The following MEIS1 variants were observed in gnomAD, a reference collection of about 807,000 sequenced individuals.
MEIS1 encodes the protein Meis homeobox 1, also known as homeobox protein Meis1.
Under a neutral mutation model 50.8 loss-of-function variants are expected in MEIS1, and 5 were observed. The observed-to-expected ratio is 0.10, with a 90% CI of 0.05 to 0.21. The LOEUF is 0.21. Ranked by LOEUF, MEIS1 falls within the 10% of genes least tolerant of loss-of-function variation. The probability of loss-of-function intolerance (pLI) is 1.00; values close to 1 mark genes in which losing one functional copy is unlikely to be tolerated. For synonymous variants in MEIS1, 176 were observed against 179.3 expected (o/e 0.98, Z 0.15); for missense variants, 318 against 517.3 (o/e 0.61, Z 3.74).
At chr2:66,455,578 G>T (rs1163856920) in intron 6 of MEIS1, among the ~76,000 whole-genome samples, 1 of 152,076 alleles carries the variant, frequency 6.6e-6, no homozygotes, top group Non-Finnish European at 1.5e-5. Flanking sequence ...GAAAATGTTA[G>T]AGTGGAGACC....
Position 66,566,222 on chromosome 2 carries a change from T to G in MEIS1, c.966-1231T>G, listed in dbSNP as rs116133799. Among the ~76,000 whole-genome samples the G allele has an allele frequency of 2.8e-3, 425 of 152,324 alleles. 2 individuals are homozygous for G. The highest frequency in any genetic ancestry group is 9.8e-3 in the African/African-American group (408 of 41,568). ...TTTGTTTCAATTACTTCTCAGATAA[T>G]GAAAGAACACAAGGATACAGGATAT... is the stretch of plus-strand genomic sequence containing the variant. On this transcript the variant is annotated intron_variant, in intron 9 of 12. Transcript: ENST00000272369.
At chr2:66,531,194 G>A (rs955586770) in intron 8 of MEIS1, among the ~76,000 whole-genome samples, 3 of 152,188 alleles carry the variant, frequency 2.0e-5, no homozygotes, top group Non-Finnish European at 4.4e-5. Context: ...ACAAGTTGAA[G>A]TTGAATTGAT....
intron 8 of MEIS1, among the ~76,000 whole-genome samples, chr2:66,516,581 G>A (rs1673975499): frequency 6.8e-6 from 1 of 146,118 alleles, no homozygotes; most frequent in Non-Finnish European, 1.5e-5. Flanking sequence ...GAAAATTTGT[G>A]TGTGTGTGTG....
chr2:66,440,038 C>T (rs1490049068), intron 3 of MEIS1, 54 bp downstream of exon 3: 4 of 1,529,862 alleles, frequency 2.6e-6, no homozygotes, highest in Admixed American at 2.1e-5. Context: ...GCCCCCCCTT[C>T]GCCAACACAC....
chr2:66,503,154 T>G (rs1451133425), intron 7 of MEIS1, among the ~76,000 whole-genome samples: 7 of 152,198 alleles, frequency 4.6e-5, no homozygotes, highest in Admixed American at 3.9e-4. Flanking sequence ...AATGAGGCAT[T>G]GTTTGACAAA....
At chr2:66,503,153 T>C (rs1199416903) in intron 7 of MEIS1, among the ~76,000 whole-genome samples, 1 of 152,188 alleles carries the variant, frequency 6.6e-6, no homozygotes, top group East Asian at 1.9e-4. Flanking sequence ...AAATGAGGCA[T>C]TGTTTGACAA....
intron 2 of MEIS1, chr2:66,439,609 C>T (rs1251973217): frequency 3.9e-6 from 6 of 1,536,656 alleles, no homozygotes; most frequent in African/African-American, 2.7e-5. Flanking sequence ...TACGCTAAAC[C>T]GATCCTCAGA....
intron 7 of MEIS1, among the ~76,000 whole-genome samples, chr2:66,489,550 G>A (rs1208243896): frequency 6.6e-6 from 1 of 152,182 alleles, no homozygotes; most frequent in African/African-American, 2.4e-5. Context: ...AAGCTCTCAG[G>A]ATGTGGAATA....
chr2:66,439,773 C>T, intron 2 of MEIS1, 70 bp from the exon 3 acceptor site: 1 of 1,606,466 alleles, frequency 6.2e-7, no homozygotes. Context: ...AGCTGTTTTT[C>T]TTGGGCACCT....
intron 7 of MEIS1, among the ~76,000 whole-genome samples, chr2:66,475,693 G>A (rs1007915446): frequency 2.0e-5 from 3 of 152,244 alleles, no homozygotes; most frequent in East Asian, 1.9e-4. Flanking sequence ...AATTCTCCTC[G>A]TATCCTCACA....
intron 1 of MEIS1, 60 bp from the exon 2 acceptor site, chr2:66,437,677 C>T: frequency 6.6e-7 from 1 of 1,503,896 alleles, no homozygotes; most frequent in Non-Finnish European, 9.2e-7. Context: ...GGTGCCTTGC[C>T]GTTCTCCCAT....
At chr2:66,519,800 T>C (rs1339718526) in intron 8 of MEIS1, among the ~76,000 whole-genome samples, 1 of 152,202 alleles carries the variant, frequency 6.6e-6, no homozygotes, top group African/African-American at 2.4e-5. Context: ...TTTTATGTTT[T>C]TAGAAATATT....
At chr2:66,493,044 C>T (rs149853946) in intron 7 of MEIS1, among the ~76,000 whole-genome samples, 45 of 152,268 alleles carry the variant, frequency 3.0e-4, no homozygotes, top group Non-Finnish European at 5.3e-4. Flanking sequence ...ACTTTGGGAC[C>T]ATGTTGCTTG....
At chr2:66,511,326 G>C (rs1673824686) in intron 7 of MEIS1, among the ~76,000 whole-genome samples, 1 of 151,956 alleles carries the variant, frequency 6.6e-6, no homozygotes, top group African/African-American at 2.4e-5. Flanking sequence ...ATATTTTCTA[G>C]AATAAAGAGT....
rs138974658 is a variant in MEIS1 at position 66,567,669 on chromosome 2, C to G, written c.1024+158C>G. The G allele has an allele frequency of 4.3e-4, 309 of 719,628 alleles. 2 individuals are homozygous for G. In the East Asian group the frequency reaches 5.3e-3, roughly 12 times the overall value. 44.6% of individuals were successfully genotyped at this position (719,628 alleles called of 1,614,324 possible). A position where few individuals can be genotyped will look rare whatever the true frequency, so the allele number is the denominator to read the frequency against. On this transcript the variant is annotated intron_variant, in intron 10 of 12. Coordinates refer to ENST00000272369, the MANE Select transcript of MEIS1 (RefSeq NM_002398.3). ...AGTTTCGTTTCATAACAACACTAAT[C>G]AATTTAACATCATTATAAAACGTTT...
At chr2:66,478,738 G>A (rs747246582) in intron 7 of MEIS1, among the ~76,000 whole-genome samples, 6 of 152,170 alleles carry the variant, frequency 3.9e-5, no homozygotes, top group Non-Finnish European at 7.3e-5. Context: ...ACACATAACC[G>A]TAGAATTGGT....
chr2:66,472,407 T>G (rs779216606), intron 7 of MEIS1, among the ~76,000 whole-genome samples: 27 of 152,190 alleles, frequency 1.8e-4, no homozygotes, highest in Non-Finnish European at 2.8e-4. Context: ...GAATGTAAAT[T>G]TATACATTCT....
chr2:66,474,792 C>T (rs183164634), intron 7 of MEIS1, among the ~76,000 whole-genome samples: 2 of 152,250 alleles, frequency 1.3e-5, no homozygotes, highest in African/African-American at 4.8e-5. Flanking sequence ...TCCCTCCTAA[C>T]GTTGCTCACT....
chr2:66,527,354 C>A lies in MEIS1; in HGVS notation c.888+15060C>A, dbSNP rs1013183334. Reference sequence around the variant, plus strand: ...GGAGCTTACCACTTCCATACCCTGACACTTAAAATTATGACTTGTTATTGT... The same window carrying A: ...GGAGCTTACCACTTCCATACCCTGAAACTTAAAATTATGACTTGTTATTGT... On this transcript the variant is annotated intron_variant, in intron 8 of 12. Transcript: ENST00000272369. Among the ~76,000 whole-genome samples, 3 of 152,132 alleles carry A rather than the reference C, an allele frequency of 2.0e-5. No homozygotes were observed. The East Asian group carries it at 5.8e-4, about 29-fold the overall frequency.
Sources: gnomAD v4.1 joint callset for allele counts (sites outside exome capture counted in the v4.1 genomes callset) on GRCh38, gnomAD v4.1.1 for gene constraint, MANE v1.5 for transcripts, NCBI Gene and HGNC (gene_info 2026-07-23, HGNC 2026-07-21) for gene names.